Variants in CPAMD8 observed in about 807,000 individuals in gnomAD.
CPAMD8 encodes C3 and PZP like alpha-2-macroglobulin domain containing 8, also known as C3 and PZP-like alpha-2-macroglobulin domain-containing protein 8.
Under a neutral mutation model 224.7 loss-of-function variants are expected in CPAMD8, and 146 were observed. The ratio of observed to expected loss-of-function variants is 0.65; its 90% CI spans 0.57 to 0.75. CPAMD8 has a LOEUF of 0.75. CPAMD8 is among the 30% of genes least tolerant of loss of function. The pLI, the probability that CPAMD8 is intolerant of heterozygous loss-of-function variation, is 0.00. For missense variants in CPAMD8, 2,301 were observed against 2,537.5 expected, an observed-to-expected ratio of 0.91 and a Z score of 2.00; for synonymous variants, 966 against 1,044.6, an observed-to-expected ratio of 0.92 and a Z score of 1.45.
Position 16,925,365 on chromosome 19 carries a change from G to T in CPAMD8, c.3378C>A (p.Val1126=). 6.2e-7 allele frequency: 1 copy of T among 1,613,854 alleles called. No homozygotes were observed. The highest frequency in any genetic ancestry group is 1.1e-5 in the South Asian group (1 of 91,068). Residue 1126 remains valine, a synonymous_variant, in exon 26 of 42, where the codon GTC becomes GTA. Coordinates refer to ENST00000443236, the MANE Select transcript of CPAMD8 (RefSeq NM_015692.5). ...ERATASIIGD[V]MGPTLNHLNN... is the part of the protein sequence containing the mutation. ...TGAGGTGGTTCAGGGTTGGCCCCAT[G>T]ACGTCCCCTGGTGGGAAGGAGAAGA...
chr19:16,972,063 A>G (rs1819973483), intron 17 of CPAMD8, among the ~76,000 whole-genome samples: 1 of 152,058 alleles, frequency 6.6e-6, no homozygotes, highest in African/African-American at 2.4e-5. Flanking sequence ...AAAAGAAAAG[A>G]AAAGAAGGAA....
intron 30 of CPAMD8, among the ~76,000 whole-genome samples, chr19:16,904,990 G>C (rs773860): frequency 1.3e-5 from 2 of 151,942 alleles, no homozygotes; most frequent in East Asian, 1.9e-4. Flanking sequence ...CCTGTAATCC[G>C]AGCACTTTGG....
At chr19:16,951,828 GCCT>G in intron 20 of CPAMD8, 138 bp downstream of exon 20, 3 of 616,788 alleles carry the variant, frequency 4.9e-6, no homozygotes. Flanking sequence ...ACCCATCCCT[GCCT>G]CCTCAACATC....
chr19:16,893,668 T>G (rs1599633736), intron 41 of CPAMD8: 1 of 256,420 alleles, frequency 3.9e-6, no homozygotes, highest in African/African-American at 2.2e-5. Flanking sequence ...GGCAGGCAGG[T>G]TCTGGGCCTG....
intron 4 of CPAMD8, 34 bp downstream of exon 4, chr19:17,011,558 G>T: frequency 6.2e-7 from 1 of 1,614,184 alleles, no homozygotes; most frequent in South Asian, 1.1e-5. Flanking sequence ...CCAGACCATG[G>T]CCGGCCCTCC....
At chr19:16,963,505 T>G (rs1426277966) in intron 18 of CPAMD8, among the ~76,000 whole-genome samples, 1 of 152,228 alleles carries the variant, frequency 6.6e-6, no homozygotes, top group Non-Finnish European at 1.5e-5. Context: ...ATCCTAAATG[T>G]ATATGCATGC....
At chr19:16,926,629 T>A (rs1243172654) in intron 25 of CPAMD8, among the ~76,000 whole-genome samples, 1 of 152,224 alleles carries the variant, frequency 6.6e-6, no homozygotes, top group Admixed American at 6.5e-5. Context: ...TCTTTCTTTC[T>A]TTAGCCTCTC....
At chr19:16,959,949 G>A (rs2054597272) in intron 18 of CPAMD8, among the ~76,000 whole-genome samples, 1 of 152,158 alleles carries the variant, frequency 6.6e-6, no homozygotes, top group South Asian at 2.1e-4. Context: ...GGTATCAAAG[G>A]CTTGGCAGAG....
At chr19:16,962,592 A>G (rs922443862) in intron 18 of CPAMD8, among the ~76,000 whole-genome samples, 10 of 152,208 alleles carry the variant, frequency 6.6e-5, no homozygotes, top group African/African-American at 2.4e-4. Context: ...TGATGGGGAG[A>G]ATGGAACCAA....
At chr19:16,996,199 G>T (rs539797163) in intron 11 of CPAMD8, among the ~76,000 whole-genome samples, 4 of 151,692 alleles carry the variant, frequency 2.6e-5, no homozygotes, top group African/African-American at 9.7e-5. Context: ...TTTGCTGGGC[G>T]TGGTGGCTCA....
At chr19:17,001,449 T>G (rs1246867244) in intron 9 of CPAMD8, among the ~76,000 whole-genome samples, 79 of 24,254 alleles carry the variant, frequency 3.3e-3, no homozygotes, top group South Asian at 5.2e-3. Flanking sequence ...GGGAACATGG[T>G]GGGGTTGGGA....
chr19:16,968,197 C>G (rs1389475672), intron 18 of CPAMD8, among the ~76,000 whole-genome samples: 3 of 152,078 alleles, frequency 2.0e-5, no homozygotes, highest in Non-Finnish European at 4.4e-5. Context: ...CTTCCTCATC[C>G]AATCACATCT....
At position 16,928,018 on chromosome 19, in the gene CPAMD8, AG is replaced by A; in HGVS notation, c.3360del (p.Ser1121ProfsTer11). On this transcript the variant is annotated frameshift_variant, in exon 25 of 42. Transcript: ENST00000443236. LOFTEE classifies it high-confidence loss of function. Reference sequence around the variant, plus strand: ...TGTGGGACAGACGCACCGATGATGGAGGCGGTGGCTCGCTCAGACCCAGGGA... The same window carrying A: ...TGTGGGACAGACGCACCGATGATGGAGCGGTGGCTCGCTCAGACCCAGGGA... ...GAIPGSERAT[A>X]SIIGDVMGPT... 1.9e-6 allele frequency: 3 copies of A among 1,611,088 alleles called. No individual in the cohort carries two copies. Among genetic ancestry groups the A allele is most frequent in the Non-Finnish European group, 2.5e-6 (3 of 1,177,382 alleles).
intron 18 of CPAMD8, among the ~76,000 whole-genome samples, chr19:16,968,358 T>C (rs922936653): frequency 5.9e-5 from 9 of 152,112 alleles, no homozygotes; most frequent in African/African-American, 2.2e-4. Context: ...CAGGAGCCAC[T>C]GGGGAGCAGA....
chr19:17,003,775 C>A (rs1193550722), intron 8 of CPAMD8, among the ~76,000 whole-genome samples: 1 of 148,022 alleles, frequency 6.8e-6, no homozygotes, highest in Non-Finnish European at 1.5e-5. Context: ...TGAAACCCTG[C>A]CTCAAAAAAA....
intron 23 of CPAMD8, among the ~76,000 whole-genome samples, chr19:16,931,044 G>A (rs1159314227): frequency 6.6e-6 from 1 of 152,188 alleles, no homozygotes; most frequent in East Asian, 1.9e-4. Flanking sequence ...TGCCGCTATG[G>A]GATGCTGCAG....
At chr19:16,914,959 G>A (rs1382447183) in intron 27 of CPAMD8, 146 bp from the exon 28 acceptor site, 3 of 637,140 alleles carry the variant, frequency 4.7e-6, no homozygotes, top group African/African-American at 3.7e-5. Flanking sequence ...TGTCCCCACA[G>A]GGCTGTCAGA....
At chr19:16,926,259 C>A (rs1426975133) in intron 25 of CPAMD8, among the ~76,000 whole-genome samples, 1 of 151,758 alleles carries the variant, frequency 6.6e-6, no homozygotes, top group Non-Finnish European at 1.5e-5. Flanking sequence ...TTCTGATGGA[C>A]CCCCCTGGGA....
chr19:16,931,207 A>G (rs567386347), intron 23 of CPAMD8, among the ~76,000 whole-genome samples: 3 of 152,214 alleles, frequency 2.0e-5, no homozygotes, highest in Admixed American at 6.5e-5. Flanking sequence ...TACCATAGCC[A>G]GCAACTGCAC....
Sources: allele counts gnomAD v4.1 joint callset (sites outside exome capture counted in the v4.1 genomes callset), GRCh38; gene constraint gnomAD v4.1.1; transcripts MANE v1.5; gene names NCBI Gene and HGNC (gene_info 2026-07-23, HGNC 2026-07-21).